BRD4: variants seen among roughly 807,000 people sequenced by gnomAD.
BRD4 encodes bromodomain-containing protein 4.
In BRD4, 16 loss-of-function variants were observed where a neutral mutation model predicts 142.1. That is an observed-to-expected ratio of 0.11 (90% CI 0.08 to 0.17). The LOEUF (loss-of-function observed/expected upper bound fraction) is 0.17, where lower values mean the gene tolerates loss of function less well. BRD4 is among the 10% of genes least tolerant of loss of function. The pLI is 1.00. For missense variants in BRD4, 1,424 were observed against 1,810.9 expected (o/e 0.79, Z 3.88); for synonymous variants, 833 against 707.5 (o/e 1.18, Z -2.82).
At chr19:15,296,309 T>C (rs1256896237) in intron 1 of BRD4, among the ~76,000 whole-genome samples, 2 of 152,052 alleles carry the variant, frequency 1.3e-5, no homozygotes, top group East Asian at 1.9e-4. Context: ...GGCTGCGAGA[T>C]ACACAAACAT....
intron 1 of BRD4, among the ~76,000 whole-genome samples, chr19:15,292,422 G>A (rs1023091585): frequency 6.6e-6 from 1 of 152,170 alleles, no homozygotes; most frequent in Non-Finnish European, 1.5e-5. Flanking sequence ...AATGGACTAC[G>A]GGGAAAACTA....
intron 1 of BRD4, among the ~76,000 whole-genome samples, chr19:15,315,561 C>T (rs1407609042): frequency 6.6e-6 from 1 of 152,100 alleles, no homozygotes; most frequent in Non-Finnish European, 1.5e-5. Flanking sequence ...CTACAGTAAG[C>T]AGCACTTCAA....
Position 15,237,687 on chromosome 19 carries a change from C to A in BRD4, c.*690G>T. ...GGAAGGAACTGACTTTGGTTGGTGG[C>A]CTCACTCCCCGGCCGAGGGCTACCC... On this transcript the variant is annotated 3_prime_UTR_variant, in exon 20 of 20. Coordinates refer to ENST00000679869, the MANE Select transcript of BRD4 (RefSeq NM_001379291.1). 1 of 232,764 alleles carries A rather than the reference C, an allele frequency of 4.3e-6. No homozygotes were observed. Among genetic ancestry groups the A allele is most frequent in the Non-Finnish European group, 8.5e-6 (1 of 117,738 alleles). The allele number at this position is 232,764 out of a possible 1,614,324, so 14.4% of individuals were successfully genotyped here. A position where few individuals can be genotyped will look rare whatever the true frequency, so the allele number is the denominator to read the frequency against.
intron 9 of BRD4, 90 bp downstream of exon 9, chr19:15,255,974 T>C (rs1010165187): frequency 6.5e-7 from 1 of 1,534,340 alleles, no homozygotes; most frequent in Non-Finnish European, 8.8e-7. Flanking sequence ...CCGCACCCAA[T>C]GAGGACAGGG....
intron 1 of BRD4, among the ~76,000 whole-genome samples, chr19:15,302,749 T>TG (rs1385660897): frequency 6.7e-6 from 1 of 149,556 alleles, no homozygotes; most frequent in East Asian, 2.0e-4. Flanking sequence ...TTCACGCCTG[T>TG]AATCTCAGCA....
At position 15,248,333 on chromosome 19, in the gene BRD4, T is replaced by G. The variant is rs145926975; in HGVS notation, c.2159-3571A>C. ...GAAGACGGGGAAAATGTTCACACTG[T>G]TAACACCAGTCAGAGGTGTCCATGG... On this transcript the variant is annotated intron_variant, in intron 11 of 19. Coordinates refer to ENST00000679869, the MANE Select transcript of BRD4 (RefSeq NM_001379291.1). 1,730 of 216,670 alleles carry G rather than the reference T, an allele frequency of 8.0e-3. 10 individuals carry two copies. The highest frequency in any genetic ancestry group is 0.013 in the East Asian group (194 of 14,668). 13.4% of individuals were successfully genotyped at this position (216,670 alleles called of 1,614,324 possible).
intron 1 of BRD4, among the ~76,000 whole-genome samples, chr19:15,301,288 C>T (rs2047865243): frequency 6.6e-6 from 1 of 152,238 alleles, no homozygotes; most frequent in South Asian, 2.1e-4. Flanking sequence ...AGGAGCCGGA[C>T]ACGGTGGCTC....
chr19:15,301,208 AT>A (rs1447756481), intron 1 of BRD4, among the ~76,000 whole-genome samples: 2 of 152,218 alleles, frequency 1.3e-5, no homozygotes, highest in African/African-American at 4.8e-5. Flanking sequence ...GTATGATGCC[AT>A]TTTCCATTTA....
chr19:15,288,952 C>A (rs2047761019), intron 1 of BRD4, among the ~76,000 whole-genome samples: 1 of 152,206 alleles, frequency 6.6e-6, no homozygotes, highest in Non-Finnish European at 1.5e-5. Flanking sequence ...ATACTCAAGT[C>A]CCCTCCTCCA....
At chr19:15,325,997 CAAAAAAAA>C (rs35801340) in intron 1 of BRD4, among the ~76,000 whole-genome samples, 2 of 50,746 alleles carry the variant, frequency 3.9e-5, no homozygotes, top group African/African-American at 8.1e-5. Context: ...GACTCCGTCT[CAAAAAAAA>C]AAAAAAAAAA....
intron 1 of BRD4, among the ~76,000 whole-genome samples, chr19:15,283,724 G>T (rs1320150590): frequency 6.6e-6 from 1 of 152,210 alleles, no homozygotes; most frequent in Non-Finnish European, 1.5e-5. Context: ...CACCCACTGG[G>T]AAGCCGCCCG....
chr19:15,274,889 A>G (rs1301535260), intron 1 of BRD4, among the ~76,000 whole-genome samples: 4 of 148,324 alleles, frequency 2.7e-5, no homozygotes, highest in African/African-American at 7.5e-5. Context: ...TTTTTTGGAG[A>G]CAGGGTCTGT....
rs201917407 is a variant in BRD4, at chr19:15,239,561, C to T, written c.3446-39G>A. The T allele has an allele frequency of 5.7e-6, 9 of 1,583,048 alleles. No individual in the cohort carries two copies. Among genetic ancestry groups the T allele is most frequent in the Non-Finnish European group, 7.7e-6 (9 of 1,167,876 alleles). ...AGCCGGTGGGCCCTGGCCCACCTCA[C>T]CCCAGTGGGGCATGGTCCACCAGCC... On this transcript the variant is annotated intron_variant, in intron 16 of 19. Coordinates refer to ENST00000679869, the MANE Select transcript of BRD4 (RefSeq NM_001379291.1). The surrounding 1 kb of genome is among the most constrained non-coding windows in gnomAD (Gnocchi z 7.4).
chr19:15,245,294 A>G (rs1256491081), intron 11 of BRD4, among the ~76,000 whole-genome samples: 2 of 151,986 alleles, frequency 1.3e-5, no homozygotes, highest in Admixed American at 6.6e-5. Flanking sequence ...TCCATCCTCC[A>G]AAGGGAAGCA....
At chr19:15,310,562 G>A (rs1000358355) in intron 1 of BRD4, among the ~76,000 whole-genome samples, 5 of 151,886 alleles carry the variant, frequency 3.3e-5, no homozygotes, top group African/African-American at 2.4e-5. Context: ...GGACTTCACC[G>A]TGTTAGCCAG....
Position 15,293,701 on chromosome 19 carries a change from A to T in BRD4, c.-34-20568T>A, listed in dbSNP as rs2047801791. The stretch of plus-strand genomic sequence containing the variant: ...CGCCATTTTAACCATTTTTAGGTGT[A>T]CAATTCAGTGGCTTTAAGTACATTT... On this transcript the variant is annotated intron_variant, in intron 1 of 19. Coordinates refer to ENST00000679869, the MANE Select transcript of BRD4 (RefSeq NM_001379291.1). 2.0e-5 allele frequency among the ~76,000 whole-genome samples: 3 copies of T among 152,226 alleles called. No homozygotes were observed. The South Asian group carries it at 6.2e-4, about 31-fold the overall frequency.
chr19:15,305,880 T>G (rs575196092), intron 1 of BRD4, among the ~76,000 whole-genome samples: 1 of 152,270 alleles, frequency 6.6e-6, no homozygotes, highest in African/African-American at 2.4e-5. Context: ...TCTGGATAAC[T>G]TGCTACAGTT....
chr19:15,313,608 G>A (rs892260274), intron 1 of BRD4, among the ~76,000 whole-genome samples: 27 of 152,014 alleles, frequency 1.8e-4, no homozygotes, highest in Admixed American at 1.4e-3. Flanking sequence ...CCCGGCAGGC[G>A]GAGGTTGCAG....
chr19:15,252,689 C>T (rs1299307975), intron 11 of BRD4, among the ~76,000 whole-genome samples: 5 of 152,104 alleles, frequency 3.3e-5, no homozygotes, highest in Admixed American at 1.3e-4. Flanking sequence ...TGAAGGATGG[C>T]GACAGGGAAG....
Sources: gnomAD v4.1 joint callset for allele counts (sites outside exome capture counted in the v4.1 genomes callset) on GRCh38, gnomAD v4.1.1 for gene constraint, Gnocchi (gnomAD v3.1) non-coding constraint, MANE v1.5 for transcripts, NCBI Gene and HGNC (gene_info 2026-07-23, HGNC 2026-07-21) for gene names.